OPCML: variants seen among roughly 807,000 people sequenced by gnomAD.
OPCML encodes the protein opioid binding protein/cell adhesion molecule like, also known as opioid-binding protein/cell adhesion molecule.
Under a neutral mutation model 37.8 loss-of-function variants are expected in OPCML, and 13 were observed. The ratio of observed to expected loss-of-function variants is 0.34; its 90% confidence interval spans 0.22 to 0.55. OPCML has a LOEUF of 0.55. Among genes scored for constraint, OPCML ranks in the 20% least tolerant of loss-of-function variants. The probability of loss-of-function intolerance (pLI) is 0.91; values close to 1 mark genes in which losing one functional copy is unlikely to be tolerated. For synonymous variants in OPCML, 176 were observed against 168.8 expected (o/e 1.04, Z -0.33); for missense variants, 341 against 435.6 (o/e 0.78, Z 1.93).
intron 1 of OPCML, among the ~76,000 whole-genome samples, chr11:133,510,383 A>G (rs1196522509): frequency 6.6e-6 from 1 of 152,230 alleles, no homozygotes; most frequent in Non-Finnish European, 1.5e-5. Context: ...TTGCTGTGTG[A>G]GCCTGATTAA....
chr11:133,447,381 T>C (rs1946493898), intron 1 of OPCML, among the ~76,000 whole-genome samples: 1 of 152,228 alleles, frequency 6.6e-6, no homozygotes, highest in South Asian at 2.1e-4. Context: ...AATTTAACTT[T>C]TATTTTAGAT....
intron 1 of OPCML, chr11:133,006,205 G>A (rs968898857): frequency 6.3e-6 from 5 of 796,798 alleles, no homozygotes; most frequent in Non-Finnish European, 7.6e-6. Flanking sequence ...GTAGGGAGGA[G>A]CCTGGCCCCT....
chr11:132,916,020 C>T (rs1445054632), intron 2 of OPCML, among the ~76,000 whole-genome samples: 1 of 152,092 alleles, frequency 6.6e-6, no homozygotes, highest in Non-Finnish European at 1.5e-5. Flanking sequence ...CATTTCACAA[C>T]TTCCATAATT....
intron 1 of OPCML, among the ~76,000 whole-genome samples, chr11:133,372,416 C>A (rs1235400609): frequency 6.6e-6 from 1 of 152,088 alleles, no homozygotes; most frequent in Non-Finnish European, 1.5e-5. Context: ...AAAATTATAT[C>A]TGTTCCCTGT....
At chr11:132,871,448 A>T (rs1489218875) in intron 2 of OPCML, among the ~76,000 whole-genome samples, 1 of 152,246 alleles carries the variant, frequency 6.6e-6, no homozygotes, top group Non-Finnish European at 1.5e-5. Flanking sequence ...AAGCAATGCA[A>T]TATCATGACT....
chr11:133,082,673 C>G (rs1472054988), intron 1 of OPCML, among the ~76,000 whole-genome samples: 3 of 123,226 alleles, frequency 2.4e-5, no homozygotes, highest in African/African-American at 9.6e-5. Context: ...CGGCACGGCA[C>G]GGCCCTGTCA....
intron 4 of OPCML, among the ~76,000 whole-genome samples, chr11:132,470,550 G>C (rs759099426): frequency 2.6e-4 from 40 of 152,202 alleles, no homozygotes; most frequent in Non-Finnish European, 5.3e-4. Flanking sequence ...ACACGTATGT[G>C]AGCATGAACG....
chr11:133,282,867 T>C (rs1353721472), intron 1 of OPCML, among the ~76,000 whole-genome samples: 2 of 152,204 alleles, frequency 1.3e-5, no homozygotes, highest in South Asian at 2.1e-4. Context: ...TAAGGTGTAA[T>C]GGCTGCTGAG....
intron 3 of OPCML, among the ~76,000 whole-genome samples, chr11:132,598,519 T>A (rs1035581915): frequency 7.9e-5 from 12 of 152,310 alleles, no homozygotes; most frequent in African/African-American, 2.9e-4. Context: ...ACACATTCTT[T>A]TTAACAACAA....
At chr11:133,341,451 T>C (rs1000987546) in intron 1 of OPCML, among the ~76,000 whole-genome samples, 2 of 152,138 alleles carry the variant, frequency 1.3e-5, no homozygotes, top group African/African-American at 4.8e-5. Flanking sequence ...TGACTGACTT[T>C]CAGGTGCCCT....
At chr11:132,527,499 G>A (rs2137282691) in intron 4 of OPCML, among the ~76,000 whole-genome samples, 1 of 151,166 alleles carries the variant, frequency 6.6e-6, no homozygotes, top group African/African-American at 2.4e-5. Context: ...ATATTTTTGT[G>A]TACTTATTTG....
intron 2 of OPCML, among the ~76,000 whole-genome samples, chr11:132,778,878 TAA>T (rs1244267030): frequency 6.6e-6 from 1 of 151,488 alleles, no homozygotes; most frequent in Non-Finnish European, 1.5e-5. Context: ...ACAAAAAATA[TAA>T]GAGAATTTTA....
intron 2 of OPCML, among the ~76,000 whole-genome samples, chr11:132,937,586 C>T (rs1259626599): frequency 3.0e-5 from 3 of 99,574 alleles, no homozygotes; most frequent in East Asian, 3.2e-4. Flanking sequence ...GTGTGTGTGG[C>T]GTGTGTGGGG....
chr11:132,949,577 CTT>C (rs1157031992), intron 1 of OPCML, among the ~76,000 whole-genome samples: 1 of 152,174 alleles, frequency 6.6e-6, no homozygotes, highest in East Asian at 1.9e-4. Context: ...GCCTTATAGT[CTT>C]TGACGGATCA....
chr11:133,063,969 C>G (rs1948395913), intron 1 of OPCML, among the ~76,000 whole-genome samples: 1 of 152,222 alleles, frequency 6.6e-6, no homozygotes, highest in South Asian at 2.1e-4. Flanking sequence ...CGGGATTGAT[C>G]ACTTGACTGT....
At chr11:132,607,195 T>G (rs920667929) in intron 3 of OPCML, among the ~76,000 whole-genome samples, 4 of 152,226 alleles carry the variant, frequency 2.6e-5, no homozygotes, top group Non-Finnish European at 5.9e-5. Flanking sequence ...TTGTTGCTGT[T>G]ACTGTGAACA....
At chr11:132,558,927 A>G (rs940506107) in intron 3 of OPCML, among the ~76,000 whole-genome samples, 1 of 152,120 alleles carries the variant, frequency 6.6e-6, no homozygotes, top group Non-Finnish European at 1.5e-5. Context: ...ATGTGCCCCC[A>G]TCCCAACCAG....
At chr11:132,714,891 A>G (rs1944410874) in intron 2 of OPCML, among the ~76,000 whole-genome samples, 2 of 152,284 alleles carry the variant, frequency 1.3e-5, no homozygotes, top group African/African-American at 2.4e-5. Flanking sequence ...TCTGAGGGTG[A>G]TCTGAGGGCT....
intron 1 of OPCML, among the ~76,000 whole-genome samples, chr11:133,027,622 T>G (rs2136916095): frequency 6.9e-6 from 1 of 145,342 alleles, no homozygotes; most frequent in Admixed American, 6.8e-5. Context: ...GTGTGTTTGG[T>G]ATGTGTGGTG....
Sources: allele counts gnomAD v4.1 joint callset (sites outside exome capture counted in the v4.1 genomes callset), GRCh38; gene constraint gnomAD v4.1.1; transcripts MANE v1.5; gene names NCBI Gene and HGNC (gene_info 2026-07-23, HGNC 2026-07-21).